Variants in TRPM6 observed in about 807,000 individuals in gnomAD.
TRPM6 encodes transient receptor potential cation channel subfamily M member 6, also known as channel kinase 2.
Under a neutral mutation model 247.6 loss-of-function variants are expected in TRPM6, and 111 were observed. The ratio of observed to expected loss-of-function variants is 0.45; its 90% CI spans 0.38 to 0.52. The LOEUF (loss-of-function observed/expected upper bound fraction) is 0.52, where lower values mean the gene tolerates loss of function less well. TRPM6 is among the 20% of genes least tolerant of loss of function. The probability of loss-of-function intolerance (pLI) is 0.00; values close to 1 mark genes in which losing one functional copy is unlikely to be tolerated. For synonymous variants in TRPM6, 892 were observed against 853.8 expected, an observed-to-expected ratio of 1.04 and a Z score of -0.78; for missense variants, 2,126 against 2,421.5, an observed-to-expected ratio of 0.88 and a Z score of 2.56.
rs147483438 is a variant in TRPM6, at chr9:74,724,616, T to G, written c.6066A>C (p.Leu2022=). The change falls in exon 39 of 39, where the codon CTA becomes CTC. Residue 2022 remains leucine (L), a synonymous_variant. Coordinates refer to ENST00000360774, the MANE Select transcript of TRPM6 (RefSeq NM_017662.5). ...GGATCTTCTTGCTCCTCCCTTTTTA[T>G]AGTTGCATATCATCTTCTGGGGAAT... ...GRNSPEDDMQ[L] 6.2e-7 allele frequency: 1 copy of G among 1,614,080 alleles called. No individual in the cohort carries two copies. Among genetic ancestry groups the G allele is most frequent in the African/African-American group, 1.3e-5 (1 of 74,944 alleles).
intron 36 of TRPM6, among the ~76,000 whole-genome samples, chr9:74,733,758 A>G (rs1825602016): frequency 6.6e-6 from 1 of 152,108 alleles, no homozygotes; most frequent in African/African-American, 2.4e-5. Flanking sequence ...AGGTTTCTCC[A>G]TGTTGGTCAG....
intron 1 of TRPM6, among the ~76,000 whole-genome samples, chr9:74,862,013 G>T (rs1830702567): frequency 6.8e-6 from 1 of 146,126 alleles, no homozygotes; most frequent in South Asian, 2.2e-4. Context: ...TCCCTCCAAA[G>T]GTGTAAACAG....
intron 3 of TRPM6, among the ~76,000 whole-genome samples, chr9:74,845,836 C>T (rs753761317): frequency 1.2e-4 from 18 of 151,828 alleles, no homozygotes; most frequent in African/African-American, 3.6e-4. Flanking sequence ...CAAAACAAAA[C>T]GAAAAGTAAG....
intron 23 of TRPM6, among the ~76,000 whole-genome samples, chr9:74,781,408 C>T (rs773913932): frequency 4.0e-5 from 6 of 151,434 alleles, no homozygotes; most frequent in African/African-American, 1.2e-4. Context: ...TGGTGGCAGG[C>T]GCCTGTAATC....
At chr9:74,733,640 T>C (rs1825598091) in intron 36 of TRPM6, among the ~76,000 whole-genome samples, 1 of 152,252 alleles carries the variant, frequency 6.6e-6, no homozygotes, top group Admixed American at 6.5e-5. Flanking sequence ...GCACAGTCCA[T>C]ACATGGTCAA....
At chr9:74,846,704 G>A (rs771775088) in intron 3 of TRPM6, among the ~76,000 whole-genome samples, 48 of 151,864 alleles carry the variant, frequency 3.2e-4, no homozygotes, top group African/African-American at 5.8e-4. Context: ...GTGTCACCAC[G>A]CCTGGATAAC....
chr9:74,837,281 A>C (rs956202100), intron 5 of TRPM6, among the ~76,000 whole-genome samples: 12 of 152,188 alleles, frequency 7.9e-5, no homozygotes, highest in African/African-American at 2.9e-4. Context: ...ATGTTGTTAA[A>C]ATGCAGGTTC....
intron 3 of TRPM6, among the ~76,000 whole-genome samples, chr9:74,849,867 C>A (rs533682468): frequency 2.0e-5 from 3 of 152,208 alleles, no homozygotes; most frequent in African/African-American, 7.2e-5. Context: ...ATTGGTTGGA[C>A]AAGGTGGTCT....
chr9:74,839,888 AGGAAGGAGGGAG>A, intron 5 of TRPM6, 124 bp downstream of exon 5: 3 of 179,506 alleles, frequency 1.7e-5, no homozygotes, highest in Admixed American at 1.1e-4. Flanking sequence ...GAAGGAAGGA[AGGAAGGAGGGAG>A]GGAGGGAGGG....
intron 1 of TRPM6, among the ~76,000 whole-genome samples, chr9:74,860,043 G>GT (rs1462669767): frequency 1.3e-5 from 2 of 152,084 alleles, no homozygotes; most frequent in East Asian, 3.9e-4. Context: ...AATCCTAAAC[G>GT]TAAGTGTTCA....
intron 3 of TRPM6, among the ~76,000 whole-genome samples, chr9:74,850,133 A>G (rs1164088061): frequency 6.6e-6 from 1 of 152,172 alleles, no homozygotes; most frequent in Non-Finnish European, 1.5e-5. Context: ...GCACTTTGGG[A>G]GGCCAAGGCG....
intron 3 of TRPM6, among the ~76,000 whole-genome samples, chr9:74,851,527 C>A (rs891064490): frequency 6.6e-6 from 1 of 151,830 alleles, no homozygotes; most frequent in African/African-American, 2.4e-5. Context: ...GACGGCGGAA[C>A]ATTTAAGGTC....
intron 20 of TRPM6, 107 bp downstream of exon 20, chr9:74,788,507 C>G (rs967429319): frequency 2.2e-6 from 3 of 1,356,080 alleles, no homozygotes; most frequent in African/African-American, 1.4e-5. Flanking sequence ...TGTCTTCCCC[C>G]ACCCTTGACA....
rs745833686 is a variant in TRPM6 at position 74,763,107 on chromosome 9, T to C, written c.3564A>G (p.Lys1188=). 1.2e-6 allele frequency: 2 copies of C among 1,612,696 alleles called. No individual in the cohort carries two copies. Among genetic ancestry groups the C allele is most frequent in the African/African-American group, 1.3e-5 (1 of 74,926 alleles). The change falls in exon 26 of 39, where the codon AAA becomes AAG. Residue 1188 remains lysine, a synonymous_variant. Coordinates refer to ENST00000360774, the MANE Select transcript of TRPM6 (RefSeq NM_017662.5). ...TAAAAGACACCTTTTCATTCATTTC[T>C]TTCAGCTGGAAGTACATCTCTGTAA... is the stretch of plus-strand genomic sequence containing the variant. ...ERVTEMYFQL[K]EMNEKVSFIK...
chr9:74,798,278 T>C (rs1388471133), intron 17 of TRPM6, among the ~76,000 whole-genome samples: 1 of 149,908 alleles, frequency 6.7e-6, no homozygotes, highest in Admixed American at 6.6e-5. Context: ...TTTTTTTTTT[T>C]CATGATGAAA....
At chr9:74,785,792 G>C in intron 21 of TRPM6, 82 bp downstream of exon 21, 1 of 1,526,908 alleles carries the variant, frequency 6.5e-7, no homozygotes, top group Non-Finnish European at 9.1e-7. Flanking sequence ...CAAAGTGCTG[G>C]GATTACAGGT....
intron 32 of TRPM6, 132 bp downstream of exon 32, chr9:74,743,963 A>G (rs1563993263): frequency 2.3e-6 from 2 of 888,018 alleles, no homozygotes; most frequent in Non-Finnish European, 1.8e-6. Context: ...TGTTCTTCCC[A>G]TCAAAGTGAA....
intron 3 of TRPM6, among the ~76,000 whole-genome samples, chr9:74,843,785 A>G (rs1374232098): frequency 6.7e-6 from 1 of 150,114 alleles, no homozygotes; most frequent in South Asian, 2.1e-4. Context: ...ACTGCACTTC[A>G]GCCTGGGCGA....
At chr9:74,818,493 G>T (rs971972946) in intron 9 of TRPM6, among the ~76,000 whole-genome samples, 1 of 151,860 alleles carries the variant, frequency 6.6e-6, no homozygotes, top group Non-Finnish European at 1.5e-5. Flanking sequence ...GGTAGAGACA[G>T]GGTTTCACCA....
Sources: gnomAD v4.1 joint callset for allele counts (sites outside exome capture counted in the v4.1 genomes callset) on GRCh38, gnomAD v4.1.1 for gene constraint, MANE v1.5 for transcripts, NCBI Gene and HGNC (gene_info 2026-07-23, HGNC 2026-07-21) for gene names.